The following UST variants were observed in gnomAD, a reference collection of about 807,000 sequenced individuals.
UST encodes chondroitin sulfate 2-O-sulfotransferase.
UST carries 21 observed loss-of-function variants against 45.6 expected under a neutral mutation model. The observed-to-expected ratio is 0.46, with a 90% CI of 0.33 to 0.66. UST has a LOEUF of 0.66. Ranked by LOEUF, UST falls within the 30% of genes least tolerant of loss-of-function variation. UST has a pLI of 0.02. For missense variants in UST, 463 were observed against 512.4 expected (o/e 0.90, Z 0.93); for synonymous variants, 215 against 200.6 (o/e 1.07, Z -0.61).
At chr6:148,789,658 TCCTGTCTCAGCCTC>T (rs1776802172) in intron 1 of UST, among the ~76,000 whole-genome samples, 1 of 152,066 alleles carries the variant, frequency 6.6e-6, no homozygotes. Context: ...CTAGTGATTC[TCCTGTCTCAGCCTC>T]CCGTAATTCA....
intron 1 of UST, among the ~76,000 whole-genome samples, chr6:148,856,504 G>A (rs935673984): frequency 6.6e-6 from 1 of 152,172 alleles, no homozygotes; most frequent in Non-Finnish European, 1.5e-5. Flanking sequence ...TAGTGTATGG[G>A]CAGAGGTGCC....
At chr6:148,771,476 A>G (rs1028124189) in intron 1 of UST, among the ~76,000 whole-genome samples, 1 of 152,214 alleles carries the variant, frequency 6.6e-6, no homozygotes, top group Non-Finnish European at 1.5e-5. Context: ...AAAATGTTCC[A>G]GTCATTTTTG....
At chr6:148,758,508 T>G (rs567642688) in intron 1 of UST, among the ~76,000 whole-genome samples, 2 of 152,336 alleles carry the variant, frequency 1.3e-5, no homozygotes, top group East Asian at 3.9e-4. Flanking sequence ...ATAAGATACA[T>G]CCTTTCAGAA....
intron 1 of UST, among the ~76,000 whole-genome samples, chr6:148,816,410 A>G (rs747655798): frequency 1.3e-5 from 2 of 152,240 alleles, no homozygotes; most frequent in Admixed American, 6.5e-5. Context: ...TTGGGGAAGA[A>G]TAATTAAATT....
intron 2 of UST, among the ~76,000 whole-genome samples, chr6:148,935,449 A>C (rs148262978): frequency 6.6e-6 from 1 of 152,268 alleles, no homozygotes; most frequent in African/African-American, 2.4e-5. Flanking sequence ...CTCTGTGCAA[A>C]TGATAATAGG....
chr6:148,781,558 A>G (rs1482609160), intron 1 of UST, among the ~76,000 whole-genome samples: 1 of 152,268 alleles, frequency 6.6e-6, no homozygotes, highest in African/African-American at 2.4e-5. Flanking sequence ...GCAACAGGTC[A>G]TCTAGGAGAT....
chr6:149,027,704 A>G (rs1287730643), intron 7 of UST: 1 of 152,226 alleles, frequency 6.6e-6, no homozygotes, highest in Non-Finnish European at 1.5e-5. Flanking sequence ...TGCTCAAGTG[A>G]TCAAGACAGG....
chr6:148,820,952 T>C (rs1322694255), intron 1 of UST, among the ~76,000 whole-genome samples: 1 of 148,244 alleles, frequency 6.7e-6, no homozygotes, highest in East Asian at 2.0e-4. Context: ...TGTCATGTAG[T>C]ATTTTTTTTT....
chr6:148,766,121 T>A (rs1328640255), intron 1 of UST, among the ~76,000 whole-genome samples: 1 of 152,188 alleles, frequency 6.6e-6, no homozygotes, highest in Non-Finnish European at 1.5e-5. Flanking sequence ...TGGTTTTGGT[T>A]AGGCTTATAT....
chr6:148,968,094 G>A (rs139441744), intron 5 of UST, among the ~76,000 whole-genome samples: 21 of 152,264 alleles, frequency 1.4e-4, no homozygotes, highest in Non-Finnish European at 2.8e-4. Context: ...ATTCCACTTC[G>A]GTGCTGTTTG....
intron 1 of UST, among the ~76,000 whole-genome samples, chr6:148,753,119 GT>G (rs1776021756): frequency 6.6e-6 from 1 of 152,120 alleles, no homozygotes; most frequent in Non-Finnish European, 1.5e-5. Flanking sequence ...TTTGCTATTA[GT>G]TTTTAAACAG....
At chr6:148,902,613 C>G (rs1779282932) in intron 2 of UST, among the ~76,000 whole-genome samples, 1 of 151,906 alleles carries the variant, frequency 6.6e-6, no homozygotes. Context: ...TCCTGGCCTT[C>G]AGTCATCCTC....
intron 1 of UST, among the ~76,000 whole-genome samples, chr6:148,834,155 A>AG (rs1187999057): frequency 2.6e-5 from 4 of 152,248 alleles, no homozygotes; most frequent in Non-Finnish European, 4.4e-5. Context: ...CAGGAGAAAA[A>AG]GTCACATAAA....
intron 1 of UST, among the ~76,000 whole-genome samples, chr6:148,882,486 CAAAAAA>C (rs397741900): frequency 2.7e-5 from 2 of 74,170 alleles, no homozygotes; most frequent in East Asian, 4.0e-4. Context: ...AACTCCATCT[CAAAAAA>C]AAAAAAAAAA....
chr6:148,912,379 A>G (rs1038944737), intron 2 of UST, among the ~76,000 whole-genome samples: 8 of 152,250 alleles, frequency 5.3e-5, no homozygotes, highest in African/African-American at 1.9e-4. Flanking sequence ...ATTAACTGTG[A>G]CAGAAGAAAA....
intron 5 of UST, among the ~76,000 whole-genome samples, chr6:149,000,492 G>A (rs1447929556): frequency 1.3e-5 from 2 of 152,008 alleles, no homozygotes; most frequent in Non-Finnish European, 2.9e-5. Context: ...AGCAGAGAGA[G>A]GAAGAAGACG....
At chr6:148,749,424 T>G (rs1582785864) in intron 1 of UST, among the ~76,000 whole-genome samples, 1 of 152,024 alleles carries the variant, frequency 6.6e-6, no homozygotes, top group African/African-American at 2.4e-5. Flanking sequence ...AGGCCAGGGG[T>G]GTAGGGAAAA....
Position 148,755,998 on chromosome 6 carries a change from CCT to C in UST, c.247+8323_247+8324del, listed in dbSNP as rs60629470. Among the ~76,000 whole-genome samples, 589 of 123,070 alleles carry C rather than the reference CCT, an allele frequency of 4.8e-3. 6 individuals carry two copies. Among genetic ancestry groups the C allele is most frequent in the African/African-American group, 0.017 (570 of 32,968 alleles). The allele number at this position is 123,070 out of a possible 152,430, so 80.7% of individuals were successfully genotyped here. A position where few individuals can be genotyped will look rare whatever the true frequency, so the allele number is the denominator to read the frequency against. ...ATTAGGTATATCTCCTAATGCTATC[CCT>C]CCCCCCTCCCCCCACCCCACGACAG... On this transcript the variant is annotated intron_variant, in intron 1 of 7. Transcript: ENST00000367463.
chr6:149,052,054 A>C (rs1157391107), intron 7 of UST, among the ~76,000 whole-genome samples: 2 of 152,200 alleles, frequency 1.3e-5, no homozygotes. Context: ...TAGGTGGGGA[A>C]AGTTGATCTA....
Sources: allele counts gnomAD v4.1 joint callset (sites outside exome capture counted in the v4.1 genomes callset), GRCh38; gene constraint gnomAD v4.1.1; transcripts MANE v1.5; gene names NCBI Gene and HGNC (gene_info 2026-07-23, HGNC 2026-07-21).